The following CACNA1C variants were observed in gnomAD, a reference collection of about 807,000 sequenced individuals.
CACNA1C encodes the protein calcium voltage-gated channel subunit alpha1 C.
Under a neutral mutation model 229.0 loss-of-function variants are expected in CACNA1C, and 30 were observed. That is an observed-to-expected ratio of 0.13 (90% CI 0.10 to 0.18). The LOEUF is 0.18. Among genes scored for constraint, CACNA1C ranks in the 10% least tolerant of loss-of-function variants. The pLI is 1.00. For missense variants in CACNA1C, 1,658 were observed against 2,845.0 expected (o/e 0.58, Z 9.49); for synonymous variants, 1,114 against 1,132.5 (o/e 0.98, Z 0.33).
chr12:2,242,501 G>A (rs887189739), intron 3 of CACNA1C, among the ~76,000 whole-genome samples: 6 of 152,188 alleles, frequency 3.9e-5, no homozygotes, highest in Non-Finnish European at 7.3e-5. Context: ...GACTTTTCAA[G>A]GCAAAAATTT....
intron 3 of CACNA1C, among the ~76,000 whole-genome samples, chr12:2,164,888 A>G (rs1371347967): frequency 1.3e-5 from 2 of 152,204 alleles, no homozygotes; most frequent in African/African-American, 2.4e-5. Context: ...GGTGGCAGTC[A>G]TCGTCATTGA....
At chr12:2,389,565 A>G (rs891695597) in intron 3 of CACNA1C, among the ~76,000 whole-genome samples, 2 of 152,220 alleles carry the variant, frequency 1.3e-5, no homozygotes, top group Non-Finnish European at 2.9e-5. Flanking sequence ...GCCAGATGTC[A>G]TCTTACAAGC....
intron 3 of CACNA1C, among the ~76,000 whole-genome samples, chr12:2,188,794 A>G (rs2097122985): frequency 6.6e-6 from 1 of 152,124 alleles, no homozygotes; most frequent in Non-Finnish European, 1.5e-5. Flanking sequence ...CAAATCCTTT[A>G]GAAGAAGGAA....
intron 4 of CACNA1C, among the ~76,000 whole-genome samples, chr12:2,452,099 A>G (rs1243786006): frequency 6.6e-6 from 1 of 152,074 alleles, no homozygotes; most frequent in African/African-American, 2.4e-5. Context: ...CTGTAGCTGT[A>G]GGGGAAGGTT....
At chr12:2,590,473 T>C (rs535571758) in intron 18 of CACNA1C, among the ~76,000 whole-genome samples, 7 of 152,368 alleles carry the variant, frequency 4.6e-5, no homozygotes, top group Admixed American at 2.0e-4. Flanking sequence ...CTTGCCTGAC[T>C]TTCCCTGATC....
chr12:2,188,796 A>G (rs750811194), intron 3 of CACNA1C, among the ~76,000 whole-genome samples: 48 of 152,144 alleles, frequency 3.2e-4, no homozygotes, highest in Non-Finnish European at 2.4e-4. Context: ...AATCCTTTAG[A>G]AGAAGGAAGA....
chr12:2,504,784 G>T lies in CACNA1C; in HGVS notation c.1114-58G>T. The T allele has an allele frequency of 9.4e-7, 1 of 1,061,634 alleles. No homozygotes were observed. The highest frequency in any genetic ancestry group is 1.3e-5 in the South Asian group (1 of 77,342). The allele number at this position is 1,061,634 out of a possible 1,614,324, so 65.8% of individuals were successfully genotyped here. On this transcript the variant is annotated intron_variant, in intron 7 of 46. Coordinates refer to ENST00000399655, the MANE Select transcript of CACNA1C (RefSeq NM_000719.7). This position sits in a 1 kb window ranked among gnomAD's most constrained non-coding sequence, Gnocchi z 6.8. ...TCAGTGTCTCGGGAGCCGGGGACCGGCACTGGCCGTGCTCGGTTGCTGAGT... is the reference window on the plus strand; with the variant it reads ...TCAGTGTCTCGGGAGCCGGGGACCGTCACTGGCCGTGCTCGGTTGCTGAGT...
upstream of CACNA1C, among the ~76,000 whole-genome samples, chr12:2,051,987 T>A (rs563112308): frequency 6.6e-6 from 1 of 151,922 alleles, no homozygotes; most frequent in African/African-American, 2.4e-5. Context: ...CAGGTAGAGG[T>A]TTTCCCCAAG....
chr12:2,413,628 T>C (rs1046422201), intron 3 of CACNA1C, among the ~76,000 whole-genome samples: 1 of 152,170 alleles, frequency 6.6e-6, no homozygotes, highest in Non-Finnish European at 1.5e-5. Flanking sequence ...TCACAGCCCC[T>C]CTGGCTGGGT....
chr12:2,065,845 C>G (rs2059082436), intron 1 of CACNA1C, among the ~76,000 whole-genome samples: 1 of 152,050 alleles, frequency 6.6e-6, no homozygotes, highest in Non-Finnish European at 1.5e-5. Flanking sequence ...CGTTGGATTT[C>G]AAAGGAGTAG....
intron 1 of CACNA1C, among the ~76,000 whole-genome samples, chr12:2,025,201 T>A (rs2047105823): frequency 6.7e-6 from 1 of 150,278 alleles, no homozygotes; most frequent in Non-Finnish European, 1.5e-5. Context: ...GTGGGAAGGG[T>A]CACTTCCAAC....
intron 1 of CACNA1C, among the ~76,000 whole-genome samples, chr12:2,005,703 C>G (rs965863584): frequency 9.2e-5 from 14 of 152,174 alleles, no homozygotes; most frequent in African/African-American, 3.4e-4. Context: ...CAAAGATCTG[C>G]TTAACTCAGT....
intron 3 of CACNA1C, among the ~76,000 whole-genome samples, chr12:2,340,207 G>A (rs2096823266): frequency 6.6e-6 from 1 of 152,144 alleles, no homozygotes; most frequent in South Asian, 2.1e-4. Flanking sequence ...ACATATATAT[G>A]TAAAATAAAT....
intron 3 of CACNA1C, among the ~76,000 whole-genome samples, chr12:2,261,720 C>G (rs1242377626): frequency 6.6e-6 from 1 of 152,062 alleles, no homozygotes; most frequent in African/African-American, 2.4e-5. Context: ...ATATATGGGC[C>G]AAGCTCTAGA....
intron 1 of CACNA1C, among the ~76,000 whole-genome samples, chr12:1,994,406 C>T (rs2040295155): frequency 6.6e-6 from 1 of 152,190 alleles, no homozygotes; most frequent in Non-Finnish European, 1.5e-5. Flanking sequence ...GCTACATAAC[C>T]ACTACCAGGA....
chr12:2,520,206 C>A (rs2099807118), intron 9 of CACNA1C, among the ~76,000 whole-genome samples: 1 of 112,914 alleles, frequency 8.9e-6, no homozygotes, highest in African/African-American at 3.6e-5. Context: ...TGACCAATGG[C>A]CGTGTGCTTC....
intron 3 of CACNA1C, among the ~76,000 whole-genome samples, chr12:2,198,377 C>T (rs1424334107): frequency 1.3e-5 from 2 of 152,160 alleles, no homozygotes; most frequent in Non-Finnish European, 2.9e-5. Flanking sequence ...CTCTGTGGAA[C>T]CGGAGGCCTC....
intron 3 of CACNA1C, among the ~76,000 whole-genome samples, chr12:2,177,634 C>CTTTCTTTCTT (rs1566165783): frequency 1.7e-4 from 19 of 112,974 alleles, no homozygotes; most frequent in African/African-American, 7.0e-4. Context: ...CCTTCTCTCT[C>CTTTCTTTCTT]TCTTTCTTTC....
intron 43 of CACNA1C, among the ~76,000 whole-genome samples, chr12:2,685,110 G>A (rs1221157058): frequency 6.6e-6 from 1 of 152,316 alleles, no homozygotes; most frequent in East Asian, 1.9e-4. Context: ...CAAAGGCTAT[G>A]AGGTTTCATT....
Sources: allele counts gnomAD v4.1 joint callset (sites outside exome capture counted in the v4.1 genomes callset), GRCh38; gene constraint gnomAD v4.1.1; non-coding constraint Gnocchi (gnomAD v3.1); transcripts MANE v1.5; gene names NCBI Gene and HGNC (gene_info 2026-07-23, HGNC 2026-07-21).